Variants in DOCK2 observed in about 807,000 individuals in gnomAD.
The protein encoded by DOCK2 is dedicator of cytokinesis 2, also known as dedicator of cytokinesis protein 2.
In DOCK2, 87 loss-of-function variants were observed where a neutral mutation model predicts 248.9. That is an observed-to-expected ratio of 0.35 (90% CI 0.29 to 0.42). DOCK2 has a LOEUF of 0.42. Among genes scored for constraint, DOCK2 ranks in the 10% least tolerant of loss-of-function variants. DOCK2 has a pLI of 1.00. For missense variants in DOCK2, 1,747 were observed against 2,300.2 expected, an observed-to-expected ratio of 0.76 and a Z score of 4.92; for synonymous variants, 805 against 821.6, an observed-to-expected ratio of 0.98 and a Z score of 0.35.
intron 39 of DOCK2, among the ~76,000 whole-genome samples, chr5:170,046,403 G>A (rs1406718750): frequency 1.3e-5 from 2 of 152,160 alleles, no homozygotes; most frequent in Non-Finnish European, 2.9e-5. Flanking sequence ...AGAAGCCTGG[G>A]TTTGGCGGGG....
intron 27 of DOCK2, among the ~76,000 whole-genome samples, chr5:169,911,528 T>C (rs1457365451): frequency 6.6e-6 from 1 of 152,184 alleles, no homozygotes; most frequent in African/African-American, 2.4e-5. Flanking sequence ...CTGGTGAGAG[T>C]TCCTGAGACA....
chr5:169,837,543 G>C (rs568877170), intron 26 of DOCK2, among the ~76,000 whole-genome samples: 1 of 152,206 alleles, frequency 6.6e-6, no homozygotes, highest in South Asian at 2.1e-4. Flanking sequence ...CAAACCAAGG[G>C]GAACGTGAGT....
intron 26 of DOCK2, among the ~76,000 whole-genome samples, chr5:169,810,242 G>A (rs1409591770): frequency 1.3e-5 from 2 of 152,014 alleles, no homozygotes; most frequent in African/African-American, 4.8e-5. Flanking sequence ...GTGCTAGCAG[G>A]GTATTCTTCT....
chr5:169,935,229 A>C (rs906510145), intron 27 of DOCK2, among the ~76,000 whole-genome samples: 4 of 152,114 alleles, frequency 2.6e-5, no homozygotes, highest in Non-Finnish European at 5.9e-5. Flanking sequence ...AAATTTGTAC[A>C]CTGTTTGCTG....
intron 2 of DOCK2, among the ~76,000 whole-genome samples, chr5:169,668,668 G>A (rs1282775567): frequency 2.6e-5 from 4 of 152,194 alleles, no homozygotes; most frequent in Admixed American, 2.0e-4. Flanking sequence ...GTGTAATTTG[G>A]ATTTCTGCTC....
In DOCK2 at chr5:170,018,954, T is replaced by C. The variant is rs1035533519; in HGVS notation, c.3233-6T>C. On this transcript the variant is annotated splice_polypyrimidine_tract_variant and splice_region_variant and intron_variant, in intron 32 of 51. Coordinates refer to ENST00000520908, the MANE Select transcript of DOCK2 (RefSeq NM_004946.3). ...TTTATGTGTTCATGTTCCTCTTCTC[T>C]TTCAGGTCAGAACAAAATCTGCTTC... 67 of 1,613,692 alleles carry C rather than the reference T, an allele frequency of 4.2e-5. No individual in the cohort carries two copies. Among genetic ancestry groups the C allele is most frequent in the Non-Finnish European group, 4.7e-5 (56 of 1,179,768 alleles).
chr5:169,712,676 A>G (rs1045138567), intron 17 of DOCK2, among the ~76,000 whole-genome samples: 3 of 152,160 alleles, frequency 2.0e-5, no homozygotes, highest in African/African-American at 7.2e-5. Context: ...CTCATCTCAC[A>G]TATTTTCCTG....
At chr5:169,669,361 C>A in intron 3 of DOCK2, 33 bp downstream of exon 3, 1 of 1,613,394 alleles carries the variant, frequency 6.2e-7, no homozygotes, top group South Asian at 1.1e-5. Context: ...TGTGTCAGTA[C>A]TGGAGGTCTT....
intron 22 of DOCK2, among the ~76,000 whole-genome samples, chr5:169,744,085 T>A (rs1194726654): frequency 6.6e-6 from 1 of 152,034 alleles, no homozygotes. Flanking sequence ...AGGAGCAGAT[T>A]GGATTCCCAC....
At chr5:169,690,233 T>C (rs567070095) in intron 9 of DOCK2, among the ~76,000 whole-genome samples, 2 of 152,154 alleles carry the variant, frequency 1.3e-5, no homozygotes, top group South Asian at 4.2e-4. Context: ...CACCTAAATA[T>C]CTTAGCATTG....
intron 42 of DOCK2, 114 bp from the exon 43 acceptor site, chr5:170,056,570 C>A: frequency 1.3e-6 from 1 of 775,504 alleles, no homozygotes; most frequent in Admixed American, 2.5e-5. Flanking sequence ...CCACAAGGGA[C>A]TCTGCCAGGC....
At chr5:169,808,998 T>A (rs1344700019) in intron 26 of DOCK2, among the ~76,000 whole-genome samples, 1 of 152,040 alleles carries the variant, frequency 6.6e-6, no homozygotes, top group Non-Finnish European at 1.5e-5. Context: ...TTCTGATTTT[T>A]TTTTTTTCTT....
chr5:170,079,418 CT>C, intron 49 of DOCK2: 1 of 371,626 alleles, frequency 2.7e-6, no homozygotes, highest in East Asian at 5.6e-5. Flanking sequence ...TCACACAGGG[CT>C]TTTCCAGGCT....
chr5:169,780,697 G>T (rs919845673), intron 25 of DOCK2, among the ~76,000 whole-genome samples: 1 of 152,142 alleles, frequency 6.6e-6, no homozygotes, highest in Non-Finnish European at 1.5e-5. Context: ...GAAAGGACCA[G>T]TTGCCTTCAT....
chr5:169,817,778 G>C (rs1399627915), intron 26 of DOCK2, among the ~76,000 whole-genome samples: 2 of 152,200 alleles, frequency 1.3e-5, no homozygotes, highest in Admixed American at 6.5e-5. Flanking sequence ...GGCTGATCCA[G>C]TCTTACGTTT....
rs371072042 is a variant in DOCK2 at position 170,049,701 on chromosome 5, G to T, written c.4072-555G>T. On this transcript the variant is annotated intron_variant, in intron 40 of 51. Coordinates refer to ENST00000520908, the MANE Select transcript of DOCK2 (RefSeq NM_004946.3). ...GTTCTAGTAGCATCCCCCATTCCCA[G>T]TTGTGACAACCAAAAAACGTTTCCA... Among the ~76,000 whole-genome samples, 53 of 152,322 alleles carry T rather than the reference G, an allele frequency of 3.5e-4. 3 individuals are homozygous for T. The East Asian group carries it at 6.0e-3, about 17-fold the overall frequency.
At chr5:169,840,612 T>TGAC (rs1252682417) in intron 26 of DOCK2, 145 bp from the exon 27 acceptor site, 3 of 681,180 alleles carry the variant, frequency 4.4e-6, no homozygotes, top group Non-Finnish European at 7.9e-6. Flanking sequence ...ATGATGATGA[T>TGAC]GATGATGATG....
chr5:170,005,675 A>G (rs1056633273), intron 30 of DOCK2, among the ~76,000 whole-genome samples: 1 of 152,198 alleles, frequency 6.6e-6, no homozygotes, highest in Non-Finnish European at 1.5e-5. Context: ...ACCCCTTGTG[A>G]ATATACTAGA....
intron 27 of DOCK2, among the ~76,000 whole-genome samples, chr5:169,908,713 C>CTTTTT (rs34261104): frequency 1.7e-4 from 18 of 105,010 alleles, no homozygotes; most frequent in Admixed American, 4.3e-4. Context: ...TTTCTTTTTT[C>CTTTTT]TTTTTTTTTT....
Sources: gnomAD v4.1 joint callset for allele counts (sites outside exome capture counted in the v4.1 genomes callset) on GRCh38, gnomAD v4.1.1 for gene constraint, MANE v1.5 for transcripts, NCBI Gene and HGNC (gene_info 2026-07-23, HGNC 2026-07-21) for gene names.